Variants in AGBL4 observed in about 807,000 individuals in gnomAD.
AGBL4 encodes AGBL carboxypeptidase 4, also known as cytosolic carboxypeptidase 6.
AGBL4 carries 58 observed loss-of-function variants against 66.4 expected under a neutral mutation model. That is an observed-to-expected ratio of 0.87 (90% CI 0.71 to 1.09). AGBL4 has a LOEUF of 1.09. AGBL4 is among the 50% of genes least tolerant of loss of function. The pLI is 0.00. For missense variants in AGBL4, 579 were observed against 631.0 expected, an observed-to-expected ratio of 0.92 and a Z score of 0.88; for synonymous variants, 234 against 222.9, an observed-to-expected ratio of 1.05 and a Z score of -0.44.
At chr1:48,871,353 T>TTGTGTGTGTGTGTGTGTGTGTG (rs138337930) in intron 5 of AGBL4, among the ~76,000 whole-genome samples, 22 of 141,088 alleles carry the variant, frequency 1.6e-4, no homozygotes, top group South Asian at 7.2e-4. Context: ...GTAGTAGTGG[T>TTGTGTGTGTGTGTGTGTGTGTG]TGTGTGTGTG....
intron 3 of AGBL4, among the ~76,000 whole-genome samples, chr1:49,455,374 A>T (rs1646366615): frequency 6.6e-6 from 1 of 151,722 alleles, no homozygotes; most frequent in African/African-American, 2.4e-5. Flanking sequence ...GTTAAAATGA[A>T]GTGGCATTTT....
rs533714017 is a variant in AGBL4 at position 49,359,560 on chromosome 1, T to C, written c.283-113696A>G. Among the ~76,000 whole-genome samples the C allele has an allele frequency of 4.0e-4, 61 of 152,248 alleles. 1 individual carries two copies. In the South Asian group the frequency reaches 7.7e-3, roughly 19 times the overall value. On this transcript the variant is annotated intron_variant, in intron 3 of 13. Coordinates refer to ENST00000371839, the MANE Select transcript of AGBL4 (RefSeq NM_032785.4). ...CAGGGGCTATGCTTGATGTTAGAAG[T>C]ACAGAGATTGAATTATCTTCCCAGC...
At chr1:49,656,877 A>C (rs1236924048) in intron 3 of AGBL4, among the ~76,000 whole-genome samples, 1 of 152,226 alleles carries the variant, frequency 6.6e-6, no homozygotes, top group African/African-American at 2.4e-5. Flanking sequence ...AGAGCTACTT[A>C]TGACAAACCC....
chr1:50,000,295 T>C (rs1423557579), intron 1 of AGBL4, among the ~76,000 whole-genome samples: 2 of 152,120 alleles, frequency 1.3e-5, no homozygotes, highest in African/African-American at 4.8e-5. Flanking sequence ...AAGATATACA[T>C]ACCACCAATG....
intron 5 of AGBL4, among the ~76,000 whole-genome samples, chr1:49,012,106 G>A (rs528566415): frequency 6.6e-6 from 1 of 151,892 alleles, no homozygotes; most frequent in Non-Finnish European, 1.5e-5. Context: ...GAGGGCTACT[G>A]TACAATGGTG....
intron 4 of AGBL4, among the ~76,000 whole-genome samples, chr1:49,222,471 A>G (rs1649575257): frequency 6.6e-6 from 1 of 152,224 alleles, no homozygotes; most frequent in African/African-American, 2.4e-5. Flanking sequence ...TATAAAATTT[A>G]CTTAAACTCA....
rs140009894 is a variant in AGBL4 at position 48,731,293 on chromosome 1, A to G, written c.635-68052T>C. 3.1e-3 allele frequency among the ~76,000 whole-genome samples: 473 copies of G among 152,268 alleles called. 3 individuals carry two copies. The highest frequency in any genetic ancestry group is 0.011 in the East Asian group (57 of 5,182). ...TTAGTAAAAAAAAAAAATCAACATT[A>G]TATTTCAGTAATACAAGAAACCTCT... On this transcript the variant is annotated intron_variant, in intron 6 of 13. Transcript: ENST00000371839.
At chr1:49,678,679 T>C (rs1196681868) in intron 3 of AGBL4, among the ~76,000 whole-genome samples, 1 of 138,380 alleles carries the variant, frequency 7.2e-6, no homozygotes, top group Non-Finnish European at 1.5e-5. Context: ...CACTTCACTG[T>C]GTTTTTTAAA....
intron 5 of AGBL4, among the ~76,000 whole-genome samples, chr1:48,882,225 G>A (rs561260088): frequency 1.5e-4 from 23 of 152,270 alleles, no homozygotes; most frequent in Middle Eastern, 3.4e-3. Flanking sequence ...CTGTCTGTCT[G>A]TACAGCCTCC....
At position 48,540,051 on chromosome 1, in the gene AGBL4, AG is replaced by A. The variant is rs147903640; in HGVS notation, c.1268-314del. On this transcript the variant is annotated intron_variant, in intron 11 of 13. Transcript: ENST00000371839. ...CCCAAAGCCTGTGCTCATAGCTTTC[AG>A]GGTACAGCCCTTTGGAAATCACTGG... 6.7e-3 allele frequency among the ~76,000 whole-genome samples: 1,024 copies of A among 152,320 alleles called. 26 individuals carry two copies. In the East Asian group the frequency reaches 0.073, roughly 11 times the overall value.
At chr1:49,344,526 A>G (rs1048963782) in intron 3 of AGBL4, among the ~76,000 whole-genome samples, 2 of 152,204 alleles carry the variant, frequency 1.3e-5, no homozygotes, top group Admixed American at 6.5e-5. Context: ...CTTGTAAAAA[A>G]TTCTGTGTGT....
At chr1:49,837,623 G>A (rs1645885491) in intron 2 of AGBL4, among the ~76,000 whole-genome samples, 1 of 152,138 alleles carries the variant, frequency 6.6e-6, no homozygotes, top group African/African-American at 2.4e-5. Context: ...AAGGCGGGTG[G>A]ATCACGAGGT....
chr1:48,946,453 C>T (rs1407501767), intron 5 of AGBL4, among the ~76,000 whole-genome samples: 2 of 152,152 alleles, frequency 1.3e-5, no homozygotes, highest in Non-Finnish European at 2.9e-5. Flanking sequence ...ACACAGATTG[C>T]ACTTGTTCTG....
At chr1:49,150,540 T>C (rs1646307733) in intron 4 of AGBL4, among the ~76,000 whole-genome samples, 1 of 152,216 alleles carries the variant, frequency 6.6e-6, no homozygotes, top group South Asian at 2.1e-4. Context: ...TTTTCACTAC[T>C]TTCAAAATTT....
At chr1:49,674,069 C>T (rs1305981765) in intron 3 of AGBL4, among the ~76,000 whole-genome samples, 1 of 151,972 alleles carries the variant, frequency 6.6e-6, no homozygotes, top group Non-Finnish European at 1.5e-5. Context: ...GTACCCAAGA[C>T]TATTTCCATC....
At chr1:48,537,982 G>A (rs139552912) in intron 12 of AGBL4, among the ~76,000 whole-genome samples, 10 of 152,282 alleles carry the variant, frequency 6.6e-5, no homozygotes, top group African/African-American at 2.2e-4. Context: ...CTGAGTGAAT[G>A]AATGAATGTA....
At chr1:49,898,132 A>G (rs1401204006) in intron 1 of AGBL4, among the ~76,000 whole-genome samples, 2 of 152,274 alleles carry the variant, frequency 1.3e-5, no homozygotes, top group East Asian at 3.9e-4. Context: ...CAAGTTAAAA[A>G]GTCTCTGCAC....
intron 3 of AGBL4, among the ~76,000 whole-genome samples, chr1:49,684,826 G>T (rs958862291): frequency 6.6e-6 from 1 of 152,126 alleles, no homozygotes; most frequent in African/African-American, 2.4e-5. Flanking sequence ...CAAGTACAGT[G>T]TTCTCTTTAA....
intron 2 of AGBL4, among the ~76,000 whole-genome samples, chr1:49,819,704 C>T (rs1281435677): frequency 1.3e-5 from 2 of 152,164 alleles, no homozygotes; most frequent in African/African-American, 4.8e-5. Context: ...TGCCTCCCAC[C>T]CACACACCAT....
Sources: gnomAD v4.1 joint callset for allele counts (sites outside exome capture counted in the v4.1 genomes callset) on GRCh38, gnomAD v4.1.1 for gene constraint, MANE v1.5 for transcripts, NCBI Gene and HGNC (gene_info 2026-07-23, HGNC 2026-07-21) for gene names.